The following DNMT3A variants were observed in gnomAD, a reference collection of about 807,000 sequenced individuals.
DNMT3A encodes the protein DNA (cytosine-5)-methyltransferase 3A.
A neutral mutation model predicts 117.6 loss-of-function variants in DNMT3A; 267 were observed. That is an observed-to-expected ratio of 2.27 (90% confidence interval 2.05 to 2.51). The LOEUF (loss-of-function observed/expected upper bound fraction) is 2.51, where lower values mean the gene tolerates loss of function less well. Ranked by LOEUF, DNMT3A falls within the 30% of genes most tolerant of loss-of-function variation. DNMT3A has a pLI of 0.00. For missense variants in DNMT3A, 1,029 were observed against 1,260.2 expected, an observed-to-expected ratio of 0.82 and a Z score of 2.78; for synonymous variants, 432 against 474.8, an observed-to-expected ratio of 0.91 and a Z score of 1.17.
rs1052643519 is a variant in DNMT3A, at chr2:25,298,839, G to A, written c.177+1300C>T. Among the ~76,000 whole-genome samples the A allele has an allele frequency of 2.6e-5, 4 of 151,656 alleles. No homozygotes were observed. Among genetic ancestry groups the A allele is most frequent in the African/African-American group, 4.9e-5 (2 of 41,186 alleles). On this transcript the variant is annotated intron_variant, in intron 3 of 22. Transcript: ENST00000321117. This position sits in a 1 kb window ranked among gnomAD's most constrained non-coding sequence, Gnocchi z 4.3. Reference sequence around the variant, plus strand: ...CTTACCAGTAAAATGACTTCACTCCGCCCCCCTGCCCCCCGCCTCAAATCT... The same window carrying A: ...CTTACCAGTAAAATGACTTCACTCCACCCCCCTGCCCCCCGCCTCAAATCT...
rs563435475 is a variant in DNMT3A at position 25,236,739 on chromosome 2, A to T, written c.2478+197T>A. Reference sequence around the variant, plus strand: ...CCGGGGGTGATGGGCGACACTCACCAGGGAGGAAGGGCTGAAGGCCAGCAG... The same window carrying T: ...CCGGGGGTGATGGGCGACACTCACCTGGGAGGAAGGGCTGAAGGCCAGCAG... On this transcript the variant is annotated intron_variant, in intron 21 of 22. Transcript: ENST00000321117. This position sits in a 1 kb window ranked among gnomAD's most constrained non-coding sequence, Gnocchi z 4.5. 6.6e-6 allele frequency among the ~76,000 whole-genome samples: 1 copy of T among 152,324 alleles called. No homozygotes were observed. Among genetic ancestry groups the T allele is most frequent in the East Asian group, 1.9e-4 (1 of 5,182 alleles).
At chr2:25,279,815 T>C (rs1307168675) in intron 4 of DNMT3A, among the ~76,000 whole-genome samples, 3 of 151,578 alleles carry the variant, frequency 2.0e-5, no homozygotes, top group Admixed American at 2.0e-4. Flanking sequence ...GACTCCGGAG[T>C]AGCTGCGACT....
chr2:25,237,059 GGCCCCA>G lies in DNMT3A; in HGVS notation c.2409-60_2409-55del. 1 of 1,584,410 alleles carries G rather than the reference GGCCCCA, an allele frequency of 6.3e-7. No homozygotes were observed. Among genetic ancestry groups the G allele is most frequent in the Admixed American group, 1.7e-5 (1 of 57,922 alleles). The stretch of plus-strand genomic sequence containing the variant: ...CAGAAACCTGGATAACAGCGGGAAG[GGCCCCA>G]GCTGCACGACTCCCCTCCCTCCCCC... On this transcript the variant is annotated intron_variant, in intron 20 of 22. Transcript: ENST00000321117. This position sits in a 1 kb window ranked among gnomAD's most constrained non-coding sequence, Gnocchi z 5.4.
At chr2:25,263,155 T>G (rs1676756176) in intron 6 of DNMT3A, among the ~76,000 whole-genome samples, 1 of 152,046 alleles carries the variant, frequency 6.6e-6, no homozygotes, top group Non-Finnish European at 1.5e-5. Flanking sequence ...AGGCTGCTCT[T>G]GAACTCCTGG....
At chr2:25,289,247 T>C (rs1265596205) in intron 3 of DNMT3A, among the ~76,000 whole-genome samples, 1 of 151,786 alleles carries the variant, frequency 6.6e-6, no homozygotes, top group Non-Finnish European at 1.5e-5. Flanking sequence ...GGATTACAGG[T>C]GCCTGCCACC....
intron 6 of DNMT3A, among the ~76,000 whole-genome samples, chr2:25,253,928 C>T (rs1675886850): frequency 6.6e-6 from 1 of 152,114 alleles, no homozygotes; most frequent in Admixed American, 6.6e-5. Context: ...AAAAATTAGC[C>T]AGGCGTGGTG....
chr2:25,241,724 A>C lies in DNMT3A; in HGVS notation c.1937-17T>G. ...CCAGGAGCCCTGCACCAGCCAGCAG[A>C]CAGCACCGTTACTTGGAGCCATCTC... On this transcript the variant is annotated splice_polypyrimidine_tract_variant and intron_variant, in intron 16 of 22. Transcript: ENST00000321117. 2 of 1,612,188 alleles carry C rather than the reference A, an allele frequency of 1.2e-6. No homozygotes were observed. Among genetic ancestry groups the C allele is most frequent in the Non-Finnish European group, 1.7e-6 (2 of 1,179,240 alleles).
chr2:25,246,402 G>A (rs779664620), intron 10 of DNMT3A, 93 bp from the exon 11 acceptor site: 33 of 1,495,476 alleles, frequency 2.2e-5, no homozygotes, highest in Non-Finnish European at 2.9e-5. Flanking sequence ...GTGCGGCCTG[G>A]TCTCCAACTT....
chr2:25,236,191 G>GT lies in DNMT3A; in HGVS notation c.2479-367_2479-366insA, dbSNP rs1673348713. Reference sequence around the variant, plus strand: ...AGCGATTCTAATGCCTCAGACTCCTGAGTAGCTGGGACTACAGGCGCCCGC... The same window carrying GT: ...AGCGATTCTAATGCCTCAGACTCCTGTAGTAGCTGGGACTACAGGCGCCCGC... On this transcript the variant is annotated intron_variant, in intron 21 of 22. Coordinates refer to ENST00000321117, the MANE Select transcript of DNMT3A (RefSeq NM_022552.5). This position sits in a 1 kb window ranked among gnomAD's most constrained non-coding sequence, Gnocchi z 4.5. Among the ~76,000 whole-genome samples the GT allele has an allele frequency of 6.6e-6, 1 of 151,822 alleles. No individual in the cohort carries two copies. The highest frequency in any genetic ancestry group is 1.5e-5 in the Non-Finnish European group (1 of 68,006).
chr2:25,274,758 A>AG (rs1156946616), intron 6 of DNMT3A, among the ~76,000 whole-genome samples, 183 bp downstream of exon 6: 1 of 152,236 alleles, frequency 6.6e-6, no homozygotes, highest in Non-Finnish European at 1.5e-5. Context: ...GTACACAGCC[A>AG]GGTATACAGT....
chr2:25,270,718 A>C (rs1192048731), intron 6 of DNMT3A, among the ~76,000 whole-genome samples: 1 of 152,140 alleles, frequency 6.6e-6, no homozygotes, highest in African/African-American at 2.4e-5. Context: ...GCCGCTTGAG[A>C]TCAGCTGAAG....
At chr2:25,249,668 C>G (rs139790831) in intron 6 of DNMT3A, 4 of 1,614,244 alleles carry the variant, frequency 2.5e-6, no homozygotes, top group Non-Finnish European at 2.5e-6. Context: ...GTATCACACT[C>G]GTCTTTCAGG....
Position 25,237,166 on chromosome 2 carries a change from C to T in DNMT3A, c.2409-161G>A, listed in dbSNP as rs1457527932. Among the ~76,000 whole-genome samples the T allele has an allele frequency of 3.9e-5, 6 of 152,192 alleles. No homozygotes were observed. The highest frequency in any genetic ancestry group is 9.7e-5 in the African/African-American group (4 of 41,446). On this transcript the variant is annotated intron_variant, in intron 20 of 22. Coordinates refer to ENST00000321117, the MANE Select transcript of DNMT3A (RefSeq NM_022552.5). The surrounding 1 kb of genome is among the most constrained non-coding windows in gnomAD (Gnocchi z 5.4). Reference sequence around the variant, plus strand: ...ACGTCATAACTCTCTTCAAACTCCCCGCAAACACACGAACACACACTGCAG... The same window carrying T: ...ACGTCATAACTCTCTTCAAACTCCCTGCAAACACACGAACACACACTGCAG...
chr2:25,266,887 C>T (rs911293762), intron 6 of DNMT3A, among the ~76,000 whole-genome samples: 3 of 152,174 alleles, frequency 2.0e-5, no homozygotes, highest in Non-Finnish European at 4.4e-5. Flanking sequence ...GTAAAATGCA[C>T]ATTCCCTTCA....
intron 6 of DNMT3A, among the ~76,000 whole-genome samples, chr2:25,262,981 G>A (rs1354427066): frequency 2.6e-5 from 4 of 152,122 alleles, no homozygotes; most frequent in African/African-American, 9.7e-5. Flanking sequence ...AATTTATTGA[G>A]ATAGTATCTC....
At chr2:25,340,896 C>G (rs1452952481) in intron 1 of DNMT3A, among the ~76,000 whole-genome samples, 1 of 144,864 alleles carries the variant, frequency 6.9e-6, no homozygotes, top group African/African-American at 2.5e-5. Flanking sequence ...CCCGCCCCCG[C>G]CCCGCCCCCA....
intron 1 of DNMT3A, among the ~76,000 whole-genome samples, chr2:25,333,911 G>T (rs1386343245): frequency 6.6e-6 from 1 of 152,226 alleles, no homozygotes; most frequent in Non-Finnish European, 1.5e-5. Context: ...GAGCACAAAT[G>T]GGGCTGAGAC....
chr2:25,342,116 G>A (rs1436533108), upstream of DNMT3A, among the ~76,000 whole-genome samples: 1 of 137,884 alleles, frequency 7.3e-6, no homozygotes, highest in Non-Finnish European at 1.6e-5. The surrounding 1 kb of genome is among the most constrained non-coding windows in gnomAD (Gnocchi z 5.9). Flanking sequence ...CCCCGCGGCC[G>A]CGCTGGCCCC....
chr2:25,314,256 G>A, intron 1 of DNMT3A, 95 bp from the exon 2 acceptor site: 1 of 1,318,550 alleles, frequency 7.6e-7, no homozygotes. Context: ...GTGAGGCCTG[G>A]GGTGTTGCTC....
Sources: allele counts gnomAD v4.1 joint callset (sites outside exome capture counted in the v4.1 genomes callset), GRCh38; gene constraint gnomAD v4.1.1; non-coding constraint Gnocchi (gnomAD v3.1); transcripts MANE v1.5; gene names NCBI Gene and HGNC (gene_info 2026-07-23, HGNC 2026-07-21).